The following ADAMTSL1 variants were observed in gnomAD, a reference collection of about 807,000 sequenced individuals.
ADAMTSL1 encodes the protein ADAMTS like 1.
In ADAMTSL1, 126 loss-of-function variants were observed where a neutral mutation model predicts 201.8. That is an observed-to-expected ratio of 0.62 (90% CI 0.54 to 0.72). ADAMTSL1 has a LOEUF of 0.72. Ranked by LOEUF, ADAMTSL1 falls within the 30% of genes least tolerant of loss-of-function variation. ADAMTSL1 has a pLI of 0.00. For synonymous variants in ADAMTSL1, 1,121 were observed against 903.4 expected (o/e 1.24, Z -4.32); for missense variants, 2,679 against 2,277.8 (o/e 1.18, Z -3.59).
intron 4 of ADAMTSL1, among the ~76,000 whole-genome samples, chr9:18,580,573 C>T (rs1024592433): frequency 6.6e-6 from 1 of 152,172 alleles, no homozygotes; most frequent in South Asian, 2.1e-4. Context: ...CTAACTACTA[C>T]TTACTAGTTG....
At chr9:18,633,161 C>G (rs1826883020) in intron 5 of ADAMTSL1, among the ~76,000 whole-genome samples, 1 of 152,206 alleles carries the variant, frequency 6.6e-6, no homozygotes, top group African/African-American at 2.4e-5. Context: ...GAAAGCTTTC[C>G]TTTTACTTGC....
At chr9:18,141,722 C>G (rs1826406254) in intron 1 of ADAMTSL1, among the ~76,000 whole-genome samples, 1 of 152,168 alleles carries the variant, frequency 6.6e-6, no homozygotes, top group Non-Finnish European at 1.5e-5. Context: ...TTCCTCACAG[C>G]ATCTCCTGTG....
chr9:17,919,322 G>C (rs988964014), intron 1 of ADAMTSL1, among the ~76,000 whole-genome samples: 14 of 151,186 alleles, frequency 9.3e-5, no homozygotes, highest in Non-Finnish European at 1.5e-5. Flanking sequence ...TGCATTTAAA[G>C]TACATGTTGC....
intron 4 of ADAMTSL1, among the ~76,000 whole-genome samples, chr9:18,580,549 T>C (rs1028055745): frequency 6.6e-6 from 1 of 152,188 alleles, no homozygotes; most frequent in African/African-American, 2.4e-5. Flanking sequence ...TTTCATAGCA[T>C]AGTAAAGATA....
At chr9:18,152,892 C>T (rs1043813424) in intron 1 of ADAMTSL1, among the ~76,000 whole-genome samples, 2 of 152,014 alleles carry the variant, frequency 1.3e-5, no homozygotes, top group African/African-American at 4.8e-5. Context: ...GGCAAAATGC[C>T]CTTGATTAAT....
chr9:18,195,669 A>G (rs1047597354), intron 2 of ADAMTSL1, among the ~76,000 whole-genome samples: 3 of 152,160 alleles, frequency 2.0e-5, no homozygotes, highest in African/African-American at 4.8e-5. Flanking sequence ...TTGACCTTTG[A>G]TAGTTAAATC....
In ADAMTSL1 at chr9:18,508,912, C is replaced by T. The variant is rs1367172235; in HGVS notation, c.191+3956C>T. 1.0e-4 allele frequency among the ~76,000 whole-genome samples: 10 copies of T among 95,428 alleles called. 1 individual carries two copies. Among genetic ancestry groups the T allele is most frequent in the African/African-American group, 3.1e-4 (6 of 19,310 alleles). 62.6% of individuals were successfully genotyped at this position (95,428 alleles called of 152,430 possible). A position where few individuals can be genotyped will look rare whatever the true frequency, so the allele number is the denominator to read the frequency against. ...ATAATTTAGAAATAGAGGCCGGGCGCGGTGGCTCACGCCTGTAATCCCAGC... is the reference window on the plus strand; with the variant it reads ...ATAATTTAGAAATAGAGGCCGGGCGTGGTGGCTCACGCCTGTAATCCCAGC... On this transcript the variant is annotated intron_variant, in intron 2 of 28. Transcript: ENST00000380548.
chr9:18,059,584 G>A (rs1209359525), intron 1 of ADAMTSL1, among the ~76,000 whole-genome samples: 1 of 152,124 alleles, frequency 6.6e-6, no homozygotes, highest in Non-Finnish European at 1.5e-5. Flanking sequence ...TGATAAAGAA[G>A]TGAATGGTTT....
chr9:18,721,265 CAAGA>C (rs1833347650), intron 14 of ADAMTSL1, among the ~76,000 whole-genome samples: 1 of 152,162 alleles, frequency 6.6e-6, no homozygotes, highest in African/African-American at 2.4e-5. Flanking sequence ...TTAAGCATTT[CAAGA>C]GTCTAGGTAG....
chr9:18,600,963 T>C (rs185335745), intron 4 of ADAMTSL1, among the ~76,000 whole-genome samples: 2 of 152,338 alleles, frequency 1.3e-5, no homozygotes, highest in Admixed American at 1.3e-4. Context: ...GCTTTTCAAA[T>C]CCAGAGTATT....
intron 1 of ADAMTSL1, among the ~76,000 whole-genome samples, chr9:17,949,493 G>A (rs750752425): frequency 5.3e-5 from 8 of 152,186 alleles, no homozygotes; most frequent in Non-Finnish European, 1.2e-4. Context: ...AGGCCCTAAG[G>A]AGAGGGCTGG....
intron 1 of ADAMTSL1, among the ~76,000 whole-genome samples, chr9:18,103,808 C>T (rs1238379957): frequency 6.6e-6 from 1 of 152,024 alleles, no homozygotes; most frequent in Admixed American, 6.6e-5. Flanking sequence ...ATCTTCTAGG[C>T]CTTTGTTTCT....
At chr9:18,444,714 G>A (rs1361598600) in intron 2 of ADAMTSL1, among the ~76,000 whole-genome samples, 2 of 152,096 alleles carry the variant, frequency 1.3e-5, no homozygotes, top group South Asian at 4.1e-4. Context: ...ATAGTAGTAC[G>A]AGTTAAGGCC....
At chr9:18,451,206 A>G (rs957594137) in intron 2 of ADAMTSL1, among the ~76,000 whole-genome samples, 2 of 152,196 alleles carry the variant, frequency 1.3e-5, no homozygotes, top group African/African-American at 4.8e-5. Flanking sequence ...CCTTGAAACA[A>G]TCATGTTTGC....
At chr9:18,172,830 G>T (rs1306430563) in intron 2 of ADAMTSL1, among the ~76,000 whole-genome samples, 1 of 152,004 alleles carries the variant, frequency 6.6e-6, no homozygotes, top group Non-Finnish European at 1.5e-5. Flanking sequence ...AAAATATTCA[G>T]GGGGAAGGGA....
At chr9:18,030,004 C>G (rs974368947) in intron 1 of ADAMTSL1, among the ~76,000 whole-genome samples, 22 of 151,996 alleles carry the variant, frequency 1.4e-4, no homozygotes, top group African/African-American at 5.1e-4. Context: ...CCTCAGGGAT[C>G]TAGAACTAGA....
At chr9:18,167,738 C>T (rs1416816629) in intron 2 of ADAMTSL1, among the ~76,000 whole-genome samples, 1 of 151,892 alleles carries the variant, frequency 6.6e-6, no homozygotes, top group Non-Finnish European at 1.5e-5. Context: ...CTCCCCACTC[C>T]TGTCAATAGA....
intron 2 of ADAMTSL1, among the ~76,000 whole-genome samples, chr9:18,209,021 A>G (rs1406041290): frequency 6.6e-6 from 1 of 152,184 alleles, no homozygotes; most frequent in Non-Finnish European, 1.5e-5. Flanking sequence ...GGATTGTGAC[A>G]TGCTATATAA....
intron 12 of ADAMTSL1, among the ~76,000 whole-genome samples, chr9:18,684,512 T>C (rs1044356433): frequency 6.6e-6 from 1 of 152,242 alleles, no homozygotes; most frequent in African/African-American, 2.4e-5. Flanking sequence ...AGAGAAAGCT[T>C]GCACACAAAC....
Sources: allele counts gnomAD v4.1 joint callset (sites outside exome capture counted in the v4.1 genomes callset), GRCh38; gene constraint gnomAD v4.1.1; transcripts MANE v1.5; gene names NCBI Gene and HGNC (gene_info 2026-07-23, HGNC 2026-07-21).